Variants in CDIN1 observed in about 807,000 individuals in gnomAD.
CDIN1 encodes CDAN1 interacting nuclease 1.
A neutral mutation model predicts 45.3 loss-of-function variants in CDIN1; 33 were observed. The observed-to-expected ratio is 0.73, with a 90% CI of 0.55 to 0.97. The LOEUF (loss-of-function observed/expected upper bound fraction) is 0.97, where lower values mean the gene tolerates loss of function less well. Ranked by LOEUF, CDIN1 falls within the 50% of genes least tolerant of loss-of-function variation. The pLI, the probability that CDIN1 is intolerant of heterozygous loss-of-function variation, is 0.00. For synonymous variants in CDIN1, 118 were observed against 124.4 expected, an observed-to-expected ratio of 0.95 and a Z score of 0.34; for missense variants, 303 against 339.4, an observed-to-expected ratio of 0.89 and a Z score of 0.84.
intron 10 of CDIN1, among the ~76,000 whole-genome samples, chr15:36,754,558 G>T (rs1221283597): frequency 3.6e-5 from 5 of 137,024 alleles, no homozygotes; most frequent in African/African-American, 1.4e-4. Context: ...TAAGTTGATG[G>T]TCTCTCTTAA....
rs937342510 is a variant in CDIN1 at position 36,809,495 on chromosome 15, T to G, written c.*1042T>G. ...AAGGAGATTTTTCTATTTGTTCACT[T>G]TAATTTATTCACTTTTGTGTACTTT... On this transcript the variant is annotated 3_prime_UTR_variant, in exon 11 of 11. Transcript: ENST00000566621. 6.6e-6 allele frequency: 1 copy of G among 152,308 alleles called. No individual in the cohort carries two copies. The highest frequency in any genetic ancestry group is 2.1e-4 in the South Asian group (1 of 4,832). The allele number at this position is 152,308 out of a possible 1,614,324, so 9.4% of individuals were successfully genotyped here.
chr15:36,660,416 T>G (rs2040962301), intron 5 of CDIN1, among the ~76,000 whole-genome samples: 1 of 152,192 alleles, frequency 6.6e-6, no homozygotes, highest in Non-Finnish European at 1.5e-5. Flanking sequence ...GATTGTACTG[T>G]GTATTTACTA....
At chr15:36,640,206 T>C in intron 1 of CDIN1, among the ~76,000 whole-genome samples, 1 of 152,152 alleles carries the variant, frequency 6.6e-6, no homozygotes, top group East Asian at 1.9e-4. Context: ...GAAAAATGGC[T>C]CTACATTTCA....
intron 1 of CDIN1, among the ~76,000 whole-genome samples, chr15:36,592,180 A>G (rs1294439144): frequency 6.6e-6 from 1 of 152,224 alleles, no homozygotes; most frequent in Non-Finnish European, 1.5e-5. Flanking sequence ...CTGGCCAAAC[A>G]GAACAAGTCT....
chr15:36,809,072 C>T lies in CDIN1; in HGVS notation c.*619C>T, dbSNP rs1404741344. The T allele has an allele frequency of 2.6e-6, 1 of 380,132 alleles. No individual in the cohort carries two copies. Among genetic ancestry groups the T allele is most frequent in the African/African-American group, 2.1e-5 (1 of 47,290 alleles). The allele number at this position is 380,132 out of a possible 1,614,324, so 23.5% of individuals were successfully genotyped here. Reference sequence around the variant, plus strand: ...ATATTCAATCTTTACGGCTTCCTGACTTCTGTGACAGTAAGCCAAGTGCAA... The same window carrying T: ...ATATTCAATCTTTACGGCTTCCTGATTTCTGTGACAGTAAGCCAAGTGCAA... On this transcript the variant is annotated 3_prime_UTR_variant, in exon 11 of 11. Coordinates refer to ENST00000566621, the MANE Select transcript of CDIN1 (RefSeq NM_001321759.2).
chr15:36,758,200 C>T (rs2053661068), intron 10 of CDIN1, among the ~76,000 whole-genome samples: 1 of 152,058 alleles, frequency 6.6e-6, no homozygotes, highest in Non-Finnish European at 1.5e-5. Flanking sequence ...CAATGTGATA[C>T]TAATCTCAGA....
chr15:36,677,883 A>G (rs902563035), intron 5 of CDIN1, among the ~76,000 whole-genome samples: 1 of 152,236 alleles, frequency 6.6e-6, no homozygotes, highest in South Asian at 2.1e-4. Flanking sequence ...TGCTTTCTCA[A>G]TGTTTGTTGA....
intron 5 of CDIN1, among the ~76,000 whole-genome samples, chr15:36,674,866 T>C (rs1466847992): frequency 6.6e-6 from 1 of 152,134 alleles, no homozygotes; most frequent in Non-Finnish European, 1.5e-5. Context: ...TTTTTCTTGC[T>C]GAACGGTAGT....
At chr15:36,756,173 G>A in intron 10 of CDIN1, 1 of 455,632 alleles carries the variant, frequency 2.2e-6, no homozygotes, top group Non-Finnish European at 4.4e-6. Context: ...ATCCTTAGTT[G>A]AAGAGAACTG....
At chr15:36,798,287 C>T (rs541331707) in intron 10 of CDIN1, among the ~76,000 whole-genome samples, 5 of 152,096 alleles carry the variant, frequency 3.3e-5, no homozygotes, top group Non-Finnish European at 7.4e-5. Context: ...ATCATTTTTC[C>T]TTATCTGATC....
At chr15:36,712,393 G>A (rs2043087386) in intron 10 of CDIN1, among the ~76,000 whole-genome samples, 3 of 146,884 alleles carry the variant, frequency 2.0e-5, no homozygotes, top group East Asian at 4.2e-4. Context: ...AGCCTCCCAG[G>A]TAGCTGGGAT....
intron 1 of CDIN1, among the ~76,000 whole-genome samples, chr15:36,591,169 T>C (rs1336443318): frequency 1.3e-5 from 2 of 152,206 alleles, no homozygotes; most frequent in Non-Finnish European, 2.9e-5. Context: ...GGTTGAGATC[T>C]GGGAGGTGAA....
In CDIN1 at chr15:36,688,092, A is replaced by G. The variant is rs151026774; in HGVS notation, c.347-3593A>G. Among the ~76,000 whole-genome samples, 720 of 152,234 alleles carry G rather than the reference A, an allele frequency of 4.7e-3. 8 individuals are homozygous for G. The highest frequency in any genetic ancestry group is 0.017 in the African/African-American group (694 of 41,554). On this transcript the variant is annotated intron_variant, in intron 5 of 10. Transcript: ENST00000566621. ...AAAATGAATTTTATAAAAATAGTAA[A>G]AGAGTAATGTGGCAAACTCAAAGTG...
At chr15:36,690,247 T>C (rs752586448) in intron 5 of CDIN1, among the ~76,000 whole-genome samples, 5 of 152,152 alleles carry the variant, frequency 3.3e-5, no homozygotes, top group Non-Finnish European at 7.4e-5. Context: ...TCCTTATTTA[T>C]TTCCACAGTA....
chr15:36,783,078 A>G (rs1170114227), intron 10 of CDIN1, among the ~76,000 whole-genome samples: 1 of 152,172 alleles, frequency 6.6e-6, no homozygotes, highest in Non-Finnish European at 1.5e-5. Context: ...GGGTACTCAG[A>G]GTATTACAAC....
chr15:36,690,830 T>C (rs1221502432), intron 5 of CDIN1, among the ~76,000 whole-genome samples: 1 of 152,174 alleles, frequency 6.6e-6, no homozygotes, highest in Non-Finnish European at 1.5e-5. Context: ...CCTAGAGACC[T>C]GCCCTTCTCC....
At chr15:36,660,229 A>G (rs555610414) in intron 5 of CDIN1, among the ~76,000 whole-genome samples, 39 of 151,828 alleles carry the variant, frequency 2.6e-4, no homozygotes, top group Admixed American at 1.4e-3. Context: ...GGCATCCATC[A>G]CCCCCTTCCC....
intron 5 of CDIN1, among the ~76,000 whole-genome samples, chr15:36,667,535 A>G (rs954396960): frequency 4.6e-5 from 7 of 152,314 alleles, no homozygotes; most frequent in Admixed American, 1.3e-4. Context: ...GTAACTGCCA[A>G]TTATCTAAAA....
intron 10 of CDIN1, among the ~76,000 whole-genome samples, chr15:36,736,359 C>A (rs2044018912): frequency 6.6e-6 from 1 of 152,184 alleles, no homozygotes; most frequent in Non-Finnish European, 1.5e-5. Flanking sequence ...GACTTACTCT[C>A]CTCTTCCCAT....
Sources: allele counts gnomAD v4.1 joint callset (sites outside exome capture counted in the v4.1 genomes callset), GRCh38; gene constraint gnomAD v4.1.1; transcripts MANE v1.5; gene names NCBI Gene and HGNC (gene_info 2026-07-23, HGNC 2026-07-21).